CPQ: variants seen among roughly 807,000 people sequenced by gnomAD.
The protein encoded by CPQ is Ser-Met dipeptidase.
A neutral mutation model predicts 45.7 loss-of-function variants in CPQ; 37 were observed. The ratio of observed to expected loss-of-function variants is 0.81; its 90% CI spans 0.62 to 1.07. The LOEUF is 1.07. Among genes scored for constraint, CPQ ranks in the 50% least tolerant of loss-of-function variants. CPQ has a pLI of 0.00. For synonymous variants in CPQ, 186 were observed against 205.8 expected (o/e 0.90, Z 0.82); for missense variants, 537 against 572.9 (o/e 0.94, Z 0.64).
chr8:96,729,129 G>A (rs1180040766), intron 1 of CPQ, among the ~76,000 whole-genome samples: 3 of 152,176 alleles, frequency 2.0e-5, no homozygotes, highest in Admixed American at 1.3e-4. Context: ...GAACTATAGT[G>A]ACATCCAAAA....
chr8:97,078,101 T>C (rs1810878925), intron 7 of CPQ, among the ~76,000 whole-genome samples: 1 of 152,222 alleles, frequency 6.6e-6, no homozygotes, highest in Non-Finnish European at 1.5e-5. Context: ...TTTCATTCCA[T>C]TGTAGTAGCT....
chr8:96,650,031 T>C (rs372039044), intron 1 of CPQ, among the ~76,000 whole-genome samples: 1 of 152,220 alleles, frequency 6.6e-6, no homozygotes, highest in Admixed American at 6.5e-5. Flanking sequence ...GACACAGGTA[T>C]AGGCAGATAT....
At chr8:96,751,461 C>G (rs1388297369) in intron 1 of CPQ, among the ~76,000 whole-genome samples, 1 of 152,020 alleles carries the variant, frequency 6.6e-6, no homozygotes, top group African/African-American at 2.4e-5. Context: ...GTTCATGTCC[C>G]TTGCCCACTT....
chr8:96,778,181 A>C (rs1418368599), intron 1 of CPQ, among the ~76,000 whole-genome samples: 1 of 152,068 alleles, frequency 6.6e-6, no homozygotes, highest in Non-Finnish European at 1.5e-5. Context: ...TGTTTTAAAA[A>C]TACCTATTAT....
rs150286051 is a variant in CPQ, at chr8:96,863,961, A to G, written c.642-15837A>G. Among the ~76,000 whole-genome samples, 65 of 152,216 alleles carry G rather than the reference A, an allele frequency of 4.3e-4. No individual in the cohort carries two copies. In the East Asian group the frequency reaches 0.011, roughly 26 times the overall value. ...TAAAATTACTAACAAATTAGATCTG[A>G]CATATTTTAATGGTATGTATAATTA... is the stretch of plus-strand genomic sequence containing the variant. On this transcript the variant is annotated intron_variant, in intron 3 of 7. Coordinates refer to ENST00000220763, the MANE Select transcript of CPQ (RefSeq NM_016134.4).
At chr8:96,918,215 A>G (rs1812757574) in intron 4 of CPQ, among the ~76,000 whole-genome samples, 1 of 152,140 alleles carries the variant, frequency 6.6e-6, no homozygotes, top group African/African-American at 2.4e-5. Context: ...TTAGCTGTTC[A>G]CATCAATTTG....
rs72680198 is a variant in CPQ, at chr8:96,664,373, A to G, written c.-35+18971A>G. On this transcript the variant is annotated intron_variant, in intron 1 of 7. Coordinates refer to ENST00000220763, the MANE Select transcript of CPQ (RefSeq NM_016134.4). ...AGACAAAGCATGTCATGGTCATTCT[A>G]TTGTCTCTTCAGTTACGTAGAAGAG... Among the ~76,000 whole-genome samples, 774 of 152,298 alleles carry G rather than the reference A, an allele frequency of 5.1e-3. 3 individuals carry two copies. Among genetic ancestry groups the G allele is most frequent in the Non-Finnish European group, 7.5e-3 (511 of 68,026 alleles).
At chr8:97,043,330 A>G (rs1438638955) in intron 6 of CPQ, among the ~76,000 whole-genome samples, 1 of 149,466 alleles carries the variant, frequency 6.7e-6, no homozygotes, top group Admixed American at 6.7e-5. Context: ...TTTGTTTTCC[A>G]TTTGCTTGGT....
intron 4 of CPQ, among the ~76,000 whole-genome samples, chr8:96,953,977 T>C (rs1229671678): frequency 1.3e-5 from 2 of 152,160 alleles, no homozygotes; most frequent in Non-Finnish European, 2.9e-5. Context: ...CATCTTAAAA[T>C]TCATAAGAAT....
At chr8:97,140,200 G>C (rs1298325487) in intron 7 of CPQ, among the ~76,000 whole-genome samples, 1 of 151,868 alleles carries the variant, frequency 6.6e-6, no homozygotes, top group Admixed American at 6.6e-5. Context: ...GTTAATTCAA[G>C]AATAAGTACA....
At chr8:97,100,653 A>T (rs1811287631) in intron 7 of CPQ, among the ~76,000 whole-genome samples, 1 of 152,188 alleles carries the variant, frequency 6.6e-6, no homozygotes, top group Admixed American at 6.6e-5. Context: ...ATATTTTTAA[A>T]ATTCAAGAAG....
At chr8:96,809,974 C>G (rs1347405203) in intron 2 of CPQ, among the ~76,000 whole-genome samples, 1 of 152,144 alleles carries the variant, frequency 6.6e-6, no homozygotes, top group African/African-American at 2.4e-5. Flanking sequence ...CCCATACACA[C>G]CTTACTGTTT....
At chr8:97,080,143 T>C (rs1810919777) in intron 7 of CPQ, among the ~76,000 whole-genome samples, 1 of 152,162 alleles carries the variant, frequency 6.6e-6, no homozygotes, top group African/African-American at 2.4e-5. Flanking sequence ...AAAAGTTGCA[T>C]TTTCTTCGAT....
intron 7 of CPQ, among the ~76,000 whole-genome samples, chr8:97,109,164 C>T (rs1811460062): frequency 6.6e-6 from 1 of 152,170 alleles, no homozygotes; most frequent in South Asian, 2.1e-4. Flanking sequence ...CTGCTCCATC[C>T]CATTCCTGCT....
intron 5 of CPQ, among the ~76,000 whole-genome samples, chr8:96,973,671 T>G (rs1248258561): frequency 6.6e-6 from 1 of 152,156 alleles, no homozygotes; most frequent in Non-Finnish European, 1.5e-5. Context: ...ACAGCAGATT[T>G]CTCAGCAGAA....
intron 7 of CPQ, among the ~76,000 whole-genome samples, chr8:97,087,408 G>C (rs1236305617): frequency 6.6e-6 from 1 of 152,068 alleles, no homozygotes; most frequent in Admixed American, 6.6e-5. Context: ...GCCGACTTGG[G>C]GGGTCAAGGG....
chr8:96,783,115 A>C (rs1057342356), intron 1 of CPQ, among the ~76,000 whole-genome samples: 1 of 152,110 alleles, frequency 6.6e-6, no homozygotes, highest in South Asian at 2.1e-4. Context: ...TACTGCATTC[A>C]TTGTAATCTA....
intron 7 of CPQ, among the ~76,000 whole-genome samples, chr8:97,128,437 C>G (rs1487404138): frequency 6.6e-6 from 1 of 152,166 alleles, no homozygotes; most frequent in Non-Finnish European, 1.5e-5. Context: ...GTAATCCCAG[C>G]ACTTTGGGAG....
At chr8:96,861,755 G>T (rs1012673542) in intron 3 of CPQ, among the ~76,000 whole-genome samples, 3 of 151,986 alleles carry the variant, frequency 2.0e-5, no homozygotes, top group Non-Finnish European at 4.4e-5. Context: ...AAACACAAAG[G>T]GCCAGCACTC....
Sources: gnomAD v4.1 joint callset for allele counts (sites outside exome capture counted in the v4.1 genomes callset) on GRCh38, gnomAD v4.1.1 for gene constraint, MANE v1.5 for transcripts, NCBI Gene and HGNC (gene_info 2026-07-23, HGNC 2026-07-21) for gene names.